DLG1: variants seen among roughly 807,000 people sequenced by gnomAD.
DLG1 encodes the protein discs large MAGUK scaffold protein 1.
DLG1 carries 42 observed loss-of-function variants against 123.4 expected under a neutral mutation model. The ratio of observed to expected loss-of-function variants is 0.34; its 90% confidence interval spans 0.27 to 0.44. DLG1 has a LOEUF of 0.44. Among genes scored for constraint, DLG1 ranks in the 20% least tolerant of loss-of-function variants. The probability of loss-of-function intolerance (pLI) is 1.00; values close to 1 mark genes in which losing one functional copy is unlikely to be tolerated. For missense variants in DLG1, 942 were observed against 1,082.6 expected, an observed-to-expected ratio of 0.87 and a Z score of 1.82; for synonymous variants, 317 against 356.2, an observed-to-expected ratio of 0.89 and a Z score of 1.24.
chr3:197,241,529 T>A (rs1748851457), intron 4 of DLG1, among the ~76,000 whole-genome samples: 1 of 152,180 alleles, frequency 6.6e-6, no homozygotes, highest in African/African-American at 2.4e-5. Context: ...AATACTTTAC[T>A]ATTGTAATTG....
chr3:197,123,512 AG>A (rs1445184290), intron 11 of DLG1, among the ~76,000 whole-genome samples: 1 of 152,344 alleles, frequency 6.6e-6, no homozygotes, highest in African/African-American at 2.4e-5. Context: ...ATTAATCATC[AG>A]GAACAACCAG....
intron 4 of DLG1, among the ~76,000 whole-genome samples, chr3:197,239,674 A>G (rs1252831408): frequency 6.6e-6 from 1 of 152,158 alleles, no homozygotes; most frequent in Non-Finnish European, 1.5e-5. Context: ...ATAAATCAAC[A>G]TACAAAAATT....
Position 197,093,945 on chromosome 3 carries a change from C to T in DLG1, c.1547-2919G>A, listed in dbSNP as rs148659252. ...ATGCCAAAAAATGTGAAAGTAATCCCGTATGACTTTCAAGGTCAGATTAGA... is the reference window on the plus strand; with the variant it reads ...ATGCCAAAAAATGTGAAAGTAATCCTGTATGACTTTCAAGGTCAGATTAGA... On this transcript the variant is annotated intron_variant, in intron 14 of 24. Coordinates refer to ENST00000667157, the MANE Select transcript of DLG1 (RefSeq NM_001366207.1). Among the ~76,000 whole-genome samples, 28 of 152,250 alleles carry T rather than the reference C, an allele frequency of 1.8e-4. No individual in the cohort carries two copies. The East Asian group carries it at 4.6e-3, about 25-fold the overall frequency.
At chr3:197,273,936 G>C (rs448860) in intron 4 of DLG1, among the ~76,000 whole-genome samples, 47,787 of 148,686 alleles carry the variant, frequency 0.32, 7,980 homozygotes, top group South Asian at 0.43. Context: ...CTAGAACACT[G>C]CTAAGACAAA....
chr3:197,081,234 AG>A (rs1750958288), intron 16 of DLG1, 117 bp from the exon 17 acceptor site: 2 of 889,980 alleles, frequency 2.2e-6, no homozygotes, highest in Non-Finnish European at 3.3e-6. Flanking sequence ...AACCTTTAAG[AG>A]TCATCTAGGT....
intron 11 of DLG1, among the ~76,000 whole-genome samples, chr3:197,121,863 T>G (rs906973778): frequency 6.7e-6 from 1 of 148,304 alleles, no homozygotes; most frequent in African/African-American, 2.5e-5. Context: ...TATCTAGTCC[T>G]CTTAGGTAAC....
chr3:197,272,432 C>T (rs1764321217), intron 4 of DLG1, among the ~76,000 whole-genome samples: 1 of 152,064 alleles, frequency 6.6e-6, no homozygotes, highest in Non-Finnish European at 1.5e-5. Flanking sequence ...ATGTCACTCA[C>T]AAAGTTTTAA....
At chr3:197,139,426 C>T (rs975969394) in intron 8 of DLG1, among the ~76,000 whole-genome samples, 7 of 152,074 alleles carry the variant, frequency 4.6e-5, no homozygotes, top group East Asian at 1.9e-4. Context: ...AAGGCATCAA[C>T]GTCCTTAAAA....
At chr3:197,129,784 G>A (rs1333155254) in intron 11 of DLG1, among the ~76,000 whole-genome samples, 1 of 152,112 alleles carries the variant, frequency 6.6e-6, no homozygotes, top group East Asian at 1.9e-4. Context: ...GGAGGCCCGA[G>A]GAGAGCGAGG....
At chr3:197,144,417 C>T (rs1306539667) in intron 6 of DLG1, among the ~76,000 whole-genome samples, 1 of 152,204 alleles carries the variant, frequency 6.6e-6, no homozygotes, top group African/African-American at 2.4e-5. Context: ...CTATCAGCCA[C>T]GTGAATAAGG....
At chr3:197,087,252 A>T (rs1347690000) in intron 15 of DLG1, among the ~76,000 whole-genome samples, 1 of 151,272 alleles carries the variant, frequency 6.6e-6, no homozygotes, top group Non-Finnish European at 1.5e-5. Flanking sequence ...ATAATATGTG[A>T]GTGACTAAAA....
intron 4 of DLG1, among the ~76,000 whole-genome samples, chr3:197,227,931 C>T (rs1740826768): frequency 6.6e-6 from 1 of 152,166 alleles, no homozygotes; most frequent in South Asian, 2.1e-4. Context: ...AAAAAGTAAA[C>T]TGTGCTCCTT....
At chr3:197,082,915 T>TTG (rs1285119872) in intron 16 of DLG1, among the ~76,000 whole-genome samples, 5 of 152,180 alleles carry the variant, frequency 3.3e-5, no homozygotes, top group African/African-American at 9.6e-5. Context: ...TATTATTGGG[T>TTG]GTAGGCACAG....
chr3:197,272,997 T>C (rs141291373), intron 4 of DLG1, among the ~76,000 whole-genome samples: 163 of 152,322 alleles, frequency 1.1e-3, no homozygotes, highest in Admixed American at 1.9e-3. Context: ...CTACCATCAC[T>C]ATCTAATTCC....
intron 5 of DLG1, among the ~76,000 whole-genome samples, chr3:197,190,243 T>G (rs1311168523): frequency 6.6e-6 from 1 of 152,100 alleles, no homozygotes; most frequent in Non-Finnish European, 1.5e-5. Flanking sequence ...AGAAGTTTAC[T>G]TGTAAATATT....
intron 4 of DLG1, among the ~76,000 whole-genome samples, chr3:197,229,075 T>C (rs1454626770): frequency 1.3e-5 from 2 of 152,154 alleles, no homozygotes; most frequent in Non-Finnish European, 2.9e-5. Context: ...TCTACGGGCA[T>C]CTAGTGGGTA....
chr3:197,194,676 A>G, intron 4 of DLG1, 87 bp from the exon 5 acceptor site: 1 of 800,438 alleles, frequency 1.2e-6, no homozygotes, highest in Non-Finnish European at 1.9e-6. Context: ...CAAATACTCA[A>G]TATTTAGCAA....
At chr3:197,136,756 G>A (rs1785225270) in intron 9 of DLG1, 78 bp from the exon 10 acceptor site, 8 of 1,239,804 alleles carry the variant, frequency 6.5e-6, no homozygotes, top group South Asian at 1.5e-5. Context: ...AAACTACAAG[G>A]TAATTATTCC....
chr3:197,226,411 G>A (rs1397445624), intron 4 of DLG1: 1 of 152,158 alleles, frequency 6.6e-6, no homozygotes, highest in Non-Finnish European at 1.5e-5. Context: ...TTTGGGGGAG[G>A]GGCAAAGATG....
Sources: gnomAD v4.1 joint callset for allele counts (sites outside exome capture counted in the v4.1 genomes callset) on GRCh38, gnomAD v4.1.1 for gene constraint, MANE v1.5 for transcripts, NCBI Gene and HGNC (gene_info 2026-07-23, HGNC 2026-07-21) for gene names.